Variants in RHOBTB2 observed in about 807,000 individuals in gnomAD.
RHOBTB2 encodes rho-related BTB domain-containing protein 2.
In RHOBTB2, 39 loss-of-function variants were observed where a neutral mutation model predicts 66.5. The ratio of observed to expected loss-of-function variants is 0.59; its 90% CI spans 0.45 to 0.77. The LOEUF (loss-of-function observed/expected upper bound fraction) is 0.77. Ranked by LOEUF, RHOBTB2 falls within the 30% of genes least tolerant of loss-of-function variation. The pLI is 0.00. For missense variants in RHOBTB2, 755 were observed against 999.1 expected (o/e 0.76, Z 3.29); for synonymous variants, 390 against 395.0 (o/e 0.99, Z 0.15).
chr8:22,994,483 A>G (rs1810495185), intron 2 of RHOBTB2: 4 of 835,350 alleles, frequency 4.8e-6, no homozygotes, highest in Non-Finnish European at 7.8e-6. Flanking sequence ...ACCTTGGAGT[A>G]ATTCGCGGTG....
the RHOBTB2 span, among the ~76,000 whole-genome samples, chr8:22,966,790 A>C: frequency 6.6e-6 from 1 of 152,074 alleles, no homozygotes; most frequent in African/African-American, 2.4e-5. Flanking sequence ...TAATATTAAA[A>C]ACACATCTGA....
chr8:22,979,723 CT>C, the RHOBTB2 span, among the ~76,000 whole-genome samples: 1 of 128,690 alleles, frequency 7.8e-6, no homozygotes, highest in Admixed American at 8.0e-5. Context: ...TTTTCTTTTT[CT>C]TTTCTTTTCT....
In RHOBTB2 at chr8:23,018,988, T is replaced by C. The variant is rs1023950498; in HGVS notation, c.*1519T>C. On this transcript the variant is annotated 3_prime_UTR_variant, in exon 10 of 10. Transcript: ENST00000251822. ...CCATGGGGCAGCAGCTGGGCCACAA[T>C]TGCCCCTTTCCGTTTTCTAACCCCG... 1 of 152,378 alleles carries C rather than the reference T, an allele frequency of 6.6e-6. No homozygotes were observed. Among genetic ancestry groups the C allele is most frequent in the African/African-American group, 2.4e-5 (1 of 41,406 alleles). The allele number at this position is 152,378 out of a possible 1,614,324, so 9.4% of individuals were successfully genotyped here.
At position 22,999,579 on chromosome 8, in the gene RHOBTB2, AT is replaced by A; in HGVS notation, c.-530del. ...CGTCACGGCTGTCGTCTTGGGTGCG[AT>A]TTTTTTCTCCTCCTTTTTTTACCCT... On this transcript the variant is annotated 5_prime_UTR_variant, in exon 1 of 10. Transcript: ENST00000251822. The A allele has an allele frequency of 2.5e-6, 3 of 1,209,260 alleles. No homozygotes were observed. The highest frequency in any genetic ancestry group is 3.1e-6 in the Non-Finnish European group (3 of 956,030). 74.9% of individuals were successfully genotyped at this position (1,209,260 alleles called of 1,614,324 possible).
At chr8:22,979,310 C>T in the RHOBTB2 span, among the ~76,000 whole-genome samples, 2 of 152,056 alleles carry the variant, frequency 1.3e-5, no homozygotes, top group African/African-American at 4.8e-5. Flanking sequence ...GTATTACATA[C>T]ATATTGTAAA....
chr8:22,999,350 T>C (rs1810681514), upstream of RHOBTB2, among the ~76,000 whole-genome samples: 1 of 151,682 alleles, frequency 6.6e-6, no homozygotes, highest in Non-Finnish European at 1.5e-5. Context: ...CCTCGCCAGG[T>C]GGAGGGACCG....
chr8:23,015,813 C>T, intron 9 of RHOBTB2, 70 bp downstream of exon 9: 1 of 1,080,356 alleles, frequency 9.3e-7, no homozygotes, highest in African/African-American at 1.6e-5. Context: ...CCCATGTAAT[C>T]CCAGGGACCC....
rs1810899054 is a variant in RHOBTB2, at chr8:23,004,789, T to G, written c.192+163T>G. 1.5e-6 allele frequency: 1 copy of G among 673,690 alleles called. No individual in the cohort carries two copies. Among genetic ancestry groups the G allele is most frequent in the South Asian group, 1.9e-5 (1 of 53,780 alleles). 41.7% of individuals were successfully genotyped at this position (673,690 alleles called of 1,614,324 possible). ...GAGGAAGGAGCCCCTGGAGAGAGGT[T>G]TAAGCCAAGTCTGCCCCAGGGAAGT... is the stretch of plus-strand genomic sequence containing the variant. On this transcript the variant is annotated intron_variant, in intron 2 of 9. Coordinates refer to ENST00000251822, the MANE Select transcript of RHOBTB2 (RefSeq NM_015178.3). The surrounding 1 kb of genome is among the most constrained non-coding windows in gnomAD (Gnocchi z 6.4).
At chr8:23,014,508 G>T (rs1187752532) in intron 7 of RHOBTB2, among the ~76,000 whole-genome samples, 182 bp from the exon 8 acceptor site, 2 of 152,200 alleles carry the variant, frequency 1.3e-5, no homozygotes, top group African/African-American at 4.8e-5. Flanking sequence ...TTGAGCTCTT[G>T]CTGTCATCCC....
chr8:22,997,453 G>A (rs1233899715), upstream of RHOBTB2, among the ~76,000 whole-genome samples: 4 of 152,200 alleles, frequency 2.6e-5, no homozygotes, highest in African/African-American at 9.7e-5. Flanking sequence ...GAGCGGGGCG[G>A]GGCGGGGGCT....
chr8:22,951,156 AT>A, the RHOBTB2 span, among the ~76,000 whole-genome samples: 1 of 146,254 alleles, frequency 6.8e-6, no homozygotes, highest in Non-Finnish European at 1.5e-5. Context: ...GAGCAACCCC[AT>A]TTTTCTAAGA....
chr8:22,977,571 CA>C, the RHOBTB2 span, among the ~76,000 whole-genome samples: 59 of 136,556 alleles, frequency 4.3e-4, no homozygotes, highest in Admixed American at 4.5e-4. Flanking sequence ...GACCCTTTCT[CA>C]AAAAAAAAAA....
At chr8:23,002,564 C>G (rs930351580) in intron 1 of RHOBTB2, among the ~76,000 whole-genome samples, 3 of 152,152 alleles carry the variant, frequency 2.0e-5, no homozygotes, top group African/African-American at 7.2e-5. Flanking sequence ...GTGGCACACA[C>G]CTGTAATCCC....
At chr8:22,998,502 G>A (rs576546862), upstream of RHOBTB2, among the ~76,000 whole-genome samples, 1 of 152,168 alleles carries the variant, frequency 6.6e-6, no homozygotes, top group Non-Finnish European at 1.5e-5. Flanking sequence ...GGGAGGCCAA[G>A]GCAGGCAGAT....
At position 23,010,545 on chromosome 8, in the gene RHOBTB2, T is replaced by C; in HGVS notation, c.1628T>C (p.Phe543Ser). 1 of 1,613,158 alleles carries C rather than the reference T, an allele frequency of 6.2e-7. No individual in the cohort carries two copies. Among genetic ancestry groups the C allele is most frequent in the Non-Finnish European group, 8.5e-7 (1 of 1,179,396 alleles). ...CACTCCTTCCCTCCCCAGGTGGTGT[T>C]TCCCTACACAAGCAAGAGCTGCATG... ...FVESSTREVV[F>S]PYTSKSCMRA... Residue 543 changes from phenylalanine to serine, a missense_variant, in exon 7 of 10, where the codon TTT (phenylalanine) becomes TCT (serine). Transcript: ENST00000251822.
the RHOBTB2 span, among the ~76,000 whole-genome samples, chr8:22,965,327 C>A: frequency 6.6e-6 from 1 of 152,016 alleles, no homozygotes; most frequent in African/African-American, 2.4e-5. Context: ...AGATTGGAAG[C>A]CTTAATGTTG....
At chr8:22,964,093 T>G in the RHOBTB2 span, among the ~76,000 whole-genome samples, 1 of 152,084 alleles carries the variant, frequency 6.6e-6, no homozygotes, top group Non-Finnish European at 1.5e-5. Flanking sequence ...CTGTTTTTTT[T>G]GTTTTTGTTT....
chr8:22,988,467 C>A (rs1055733629), intron 1 of RHOBTB2, among the ~76,000 whole-genome samples: 2 of 152,096 alleles, frequency 1.3e-5, no homozygotes, highest in Non-Finnish European at 2.9e-5. Flanking sequence ...TGACCTCCTT[C>A]CCCCTTTTCT....
intron 2 of RHOBTB2, 105 bp from the exon 3 acceptor site, chr8:23,005,267 T>C (rs1810912478): frequency 2.7e-6 from 2 of 750,394 alleles, no homozygotes; most frequent in Non-Finnish European, 4.8e-6. Flanking sequence ...CCATGCCCAG[T>C]GATGTCTGGG....
Sources: gnomAD v4.1 joint callset for allele counts (sites outside exome capture counted in the v4.1 genomes callset) on GRCh38, gnomAD v4.1.1 for gene constraint, Gnocchi (gnomAD v3.1) non-coding constraint, MANE v1.5 for transcripts, NCBI Gene and HGNC (gene_info 2026-07-23, HGNC 2026-07-21) for gene names.